The following SLC35F3 variants were observed in gnomAD, a reference collection of about 807,000 sequenced individuals.
SLC35F3 encodes the protein putative thiamine transporter SLC35F3.
A neutral mutation model predicts 49.9 loss-of-function variants in SLC35F3; 25 were observed. The observed-to-expected ratio is 0.50, with a 90% CI of 0.37 to 0.70. The LOEUF (loss-of-function observed/expected upper bound fraction) is 0.70, where lower values mean the gene tolerates loss of function less well. SLC35F3 is among the 30% of genes least tolerant of loss of function. The probability of loss-of-function intolerance (pLI) is 0.00; values close to 1 mark genes in which losing one functional copy is unlikely to be tolerated. For synonymous variants in SLC35F3, 275 were observed against 265.4 expected (o/e 1.04, Z -0.35); for missense variants, 525 against 639.8 (o/e 0.82, Z 1.94).
Position 234,316,588 on chromosome 1 carries a change from T to C in SLC35F3, c.829-14T>C. The C allele has an allele frequency of 6.3e-7, 1 of 1,596,090 alleles. No homozygotes were observed. The highest frequency in any genetic ancestry group is 1.3e-5 in the African/African-American group (1 of 74,756). ...CCCGACTTCCCTGACCAGCATTTTCTTCCGTCTGTCCAGATTGTGGCCGCC... is the reference window on the plus strand; with the variant it reads ...CCCGACTTCCCTGACCAGCATTTTCCTCCGTCTGTCCAGATTGTGGCCGCC... On this transcript the variant is annotated splice_polypyrimidine_tract_variant and intron_variant, in intron 4 of 7. Coordinates refer to ENST00000366618, the MANE Select transcript of SLC35F3 (RefSeq NM_173508.4).
intron 2 of SLC35F3, among the ~76,000 whole-genome samples, chr1:234,087,395 C>G (rs924346455): frequency 1.3e-5 from 2 of 152,166 alleles, no homozygotes; most frequent in Non-Finnish European, 2.9e-5. Context: ...CGGTATTATC[C>G]GAAGGTCCAC....
chr1:234,317,235 G>A (rs1416904392), intron 5 of SLC35F3, among the ~76,000 whole-genome samples: 2 of 152,188 alleles, frequency 1.3e-5, no homozygotes, highest in African/African-American at 4.8e-5. Flanking sequence ...CTGTAATACG[G>A]GGATAATAAA....
In SLC35F3 at chr1:234,187,454, G is replaced by A. The variant is rs147439547; in HGVS notation, c.284-43963G>A. The stretch of plus-strand genomic sequence containing the variant: ...ACTCGGATGGATAGAGCAGCATGTC[G>A]GGAGTCACATTGTGAACTTCTGCTC... On this transcript the variant is annotated intron_variant, in intron 2 of 7. Coordinates refer to ENST00000366618, the MANE Select transcript of SLC35F3 (RefSeq NM_173508.4). Among the ~76,000 whole-genome samples the A allele has an allele frequency of 7.9e-5, 12 of 152,272 alleles. No individual in the cohort carries two copies. In the East Asian group the frequency reaches 2.3e-3, roughly 29 times the overall value.
intron 2 of SLC35F3, among the ~76,000 whole-genome samples, chr1:234,145,349 C>T (rs535844076): frequency 9.2e-4 from 140 of 152,166 alleles, no homozygotes; most frequent in Non-Finnish European, 1.3e-3. Context: ...AACTAGTCAT[C>T]CAACACAGTC....
chr1:233,932,283 C>T (rs1662255604), intron 2 of SLC35F3, among the ~76,000 whole-genome samples: 1 of 142,598 alleles, frequency 7.0e-6, no homozygotes, highest in South Asian at 2.4e-4. Flanking sequence ...TACCCCAGAA[C>T]TTAAAGTATA....
At chr1:234,081,104 G>A (rs2102872642) in intron 2 of SLC35F3, among the ~76,000 whole-genome samples, 1 of 152,062 alleles carries the variant, frequency 6.6e-6, no homozygotes, top group African/African-American at 2.4e-5. Context: ...CTCCCACCTG[G>A]TCTTCCTTCT....
chr1:234,245,169 G>A (rs1667612047), intron 3 of SLC35F3, among the ~76,000 whole-genome samples: 1 of 151,940 alleles, frequency 6.6e-6, no homozygotes, highest in Non-Finnish European at 1.5e-5. Flanking sequence ...TGTTCTCTGT[G>A]TCCTTGAGAT....
At chr1:233,968,339 G>T (rs1456749184) in intron 2 of SLC35F3, among the ~76,000 whole-genome samples, 1 of 151,906 alleles carries the variant, frequency 6.6e-6, no homozygotes, top group Non-Finnish European at 1.5e-5. Context: ...CATCTGAAAT[G>T]ACCCTATTTC....
chr1:233,933,065 G>A (rs1478373644), intron 2 of SLC35F3, among the ~76,000 whole-genome samples: 1 of 146,628 alleles, frequency 6.8e-6, no homozygotes. Flanking sequence ...CTATGACCAT[G>A]GTAAAAATAA....
At chr1:234,211,301 G>A (rs1016235087) in intron 2 of SLC35F3, among the ~76,000 whole-genome samples, 4 of 152,226 alleles carry the variant, frequency 2.6e-5, no homozygotes, top group African/African-American at 9.6e-5. Flanking sequence ...CACACACACA[G>A]TCCCTACTGG....
At chr1:234,112,529 T>A (rs962987601) in intron 2 of SLC35F3, among the ~76,000 whole-genome samples, 1 of 151,122 alleles carries the variant, frequency 6.6e-6, no homozygotes, top group Non-Finnish European at 1.5e-5. Context: ...TTTTACCCAA[T>A]CTTTTGTGAA....
At chr1:234,201,661 CA>C (rs987017304) in intron 2 of SLC35F3, among the ~76,000 whole-genome samples, 90 of 152,286 alleles carry the variant, frequency 5.9e-4, no homozygotes, top group African/African-American at 2.1e-3. Context: ...GTATTTCCCA[CA>C]AATTCAGCTC....
At chr1:234,043,009 G>T (rs2102854028) in intron 2 of SLC35F3, among the ~76,000 whole-genome samples, 1 of 152,098 alleles carries the variant, frequency 6.6e-6, no homozygotes, top group East Asian at 1.9e-4. Context: ...TTTTTATTAT[G>T]AACTAAATAC....
intron 2 of SLC35F3, among the ~76,000 whole-genome samples, chr1:234,153,634 A>G (rs1001437557): frequency 6.6e-6 from 1 of 151,836 alleles, no homozygotes; most frequent in African/African-American, 2.4e-5. Flanking sequence ...GTCTTTGAAA[A>G]CTCACATTCT....
chr1:234,132,252 A>G (rs1665747756), intron 2 of SLC35F3, among the ~76,000 whole-genome samples: 2 of 152,208 alleles, frequency 1.3e-5, no homozygotes, highest in Admixed American at 1.3e-4. Flanking sequence ...TCCTGCTTCA[A>G]CATGATTTGT....
chr1:234,053,575 T>C (rs940856853), intron 2 of SLC35F3, among the ~76,000 whole-genome samples: 12 of 152,230 alleles, frequency 7.9e-5, no homozygotes, highest in African/African-American at 2.4e-4. Flanking sequence ...AGCACACTGT[T>C]GGGTCTTCAC....
chr1:234,079,259 TC>T (rs1664840354), intron 2 of SLC35F3, among the ~76,000 whole-genome samples: 1 of 152,190 alleles, frequency 6.6e-6, no homozygotes, highest in East Asian at 1.9e-4. Flanking sequence ...GGGACATGAG[TC>T]TATTTTTTTT....
At chr1:233,916,447 C>A (rs1482074537) in intron 2 of SLC35F3, among the ~76,000 whole-genome samples, 2 of 152,082 alleles carry the variant, frequency 1.3e-5, no homozygotes, top group African/African-American at 4.8e-5. Context: ...TTTTAAAAAA[C>A]CTTTGTAGAG....
At position 234,155,868 on chromosome 1, in the gene SLC35F3, T is replaced by C. The variant is rs537404102; in HGVS notation, c.284-75549T>C. The stretch of plus-strand genomic sequence containing the variant: ...AATATTCAATTACTATAAGAAAATA[T>C]GTTCCATATTTATATATTCTTTTGG... On this transcript the variant is annotated intron_variant, in intron 2 of 7. Transcript: ENST00000366618. Among the ~76,000 whole-genome samples the C allele has an allele frequency of 6.6e-5, 10 of 151,906 alleles. No individual in the cohort carries two copies. The East Asian group carries it at 1.9e-3, about 29-fold the overall frequency.
Sources: allele counts gnomAD v4.1 joint callset (sites outside exome capture counted in the v4.1 genomes callset), GRCh38; gene constraint gnomAD v4.1.1; transcripts MANE v1.5; gene names NCBI Gene and HGNC (gene_info 2026-07-23, HGNC 2026-07-21).